Variants in SAMMSON observed in about 807,000 individuals in gnomAD.
SAMMSON encodes the protein survival associated mitochondrial melanoma specific oncogenic non-coding RNA, also known as long intergenic non-protein coding RNA 1212.
chr3:70,330,577 T>G (rs1702614946), intron 7 of SAMMSON, among the ~76,000 whole-genome samples: 1 of 152,088 alleles, frequency 6.6e-6, no homozygotes, highest in Non-Finnish European at 1.5e-5. Flanking sequence ...CATTCCTTCA[T>G]TTATATTTCC....
At chr3:70,411,141 A>T (rs1191379529) in intron 2 of SAMMSON, among the ~76,000 whole-genome samples, 1 of 152,204 alleles carries the variant, frequency 6.6e-6, no homozygotes, top group Non-Finnish European at 1.5e-5. Flanking sequence ...TGTAAAGGAG[A>T]TCTAAAAGTA....
At chr3:70,372,007 C>T (rs1187619462) in intron 9 of SAMMSON, among the ~76,000 whole-genome samples, 1 of 152,094 alleles carries the variant, frequency 6.6e-6, no homozygotes, top group East Asian at 1.9e-4. Context: ...AGGTATGTCA[C>T]TTCTGCACCT....
chr3:70,048,166 G>C (rs1000734417), intron 3 of SAMMSON, among the ~76,000 whole-genome samples: 5 of 151,922 alleles, frequency 3.3e-5, no homozygotes, highest in Admixed American at 2.0e-4. Context: ...TGTGCTACCG[G>C]CTGTGAATAC....
At chr3:70,412,701 ATAGT>A (rs1701229834) in intron 2 of SAMMSON, among the ~76,000 whole-genome samples, 1 of 152,276 alleles carries the variant, frequency 6.6e-6, no homozygotes, top group Non-Finnish European at 1.5e-5. Context: ...TAAGATGGAA[ATAGT>A]TGGTAGATTA....
chr3:70,250,938 A>G (rs1384434543), intron 6 of SAMMSON, among the ~76,000 whole-genome samples: 4 of 152,244 alleles, frequency 2.6e-5, no homozygotes, highest in African/African-American at 9.6e-5. Flanking sequence ...AATTTAATCT[A>G]TTTAGAGAAA....
Position 70,315,160 on chromosome 3 carries a change from G to A in SAMMSON, n.739+23917G>A, listed in dbSNP as rs78431296. ...GAGGAAAGATTTATGAAGATAGTGTGGTGACTAATTTGGACATAATATTCA... is the reference window on the plus strand; with the variant it reads ...GAGGAAAGATTTATGAAGATAGTGTAGTGACTAATTTGGACATAATATTCA... On this transcript the variant is annotated intron_variant and non_coding_transcript_variant, in intron 7 of 9. Coordinates refer to ENST00000642114, the Ensembl canonical transcript of SAMMSON. Among the ~76,000 whole-genome samples, 23 of 152,218 alleles carry A rather than the reference G, an allele frequency of 1.5e-4. No homozygotes were observed. The East Asian group carries it at 4.4e-3, about 29-fold the overall frequency.
chr3:70,429,228 T>C (rs1430739091), intron 2 of SAMMSON, among the ~76,000 whole-genome samples: 1 of 152,226 alleles, frequency 6.6e-6, no homozygotes, highest in Admixed American at 6.5e-5. Context: ...AGGGAATTCT[T>C]TCTCCATTGC....
chr3:70,293,472 A>T (rs1477137216), intron 7 of SAMMSON, among the ~76,000 whole-genome samples: 1 of 152,132 alleles, frequency 6.6e-6, no homozygotes, highest in Non-Finnish European at 1.5e-5. Context: ...TATTAGTGAC[A>T]AAATCACAGG....
intron 4 of SAMMSON, among the ~76,000 whole-genome samples, chr3:70,107,893 G>A (rs1022892307): frequency 1.3e-5 from 2 of 152,204 alleles, no homozygotes; most frequent in Middle Eastern, 3.4e-3. Flanking sequence ...TGTTAGGTGA[G>A]ATGGGAAGGA....
intron 7 of SAMMSON, among the ~76,000 whole-genome samples, chr3:70,295,860 A>G (rs1041020840): frequency 1.3e-5 from 2 of 152,170 alleles, no homozygotes; most frequent in African/African-American, 4.8e-5. Context: ...ATGTGGTTTA[A>G]TAGAAATGTG....
At chr3:70,412,493 A>G (rs1054400975) in intron 2 of SAMMSON, among the ~76,000 whole-genome samples, 3 of 152,238 alleles carry the variant, frequency 2.0e-5, no homozygotes, top group Non-Finnish European at 4.4e-5. Flanking sequence ...TCAGTTTACT[A>G]AGTGGTTGCT....
intron 6 of SAMMSON, among the ~76,000 whole-genome samples, chr3:70,265,342 T>C (rs1158007323): frequency 1.3e-5 from 2 of 152,196 alleles, no homozygotes; most frequent in African/African-American, 4.8e-5. Flanking sequence ...TTCTTTTCAC[T>C]AATGGAATGC....
intron 6 of SAMMSON, among the ~76,000 whole-genome samples, chr3:70,286,334 G>A (rs1367906356): frequency 6.6e-6 from 1 of 152,072 alleles, no homozygotes; most frequent in African/African-American, 2.4e-5. Flanking sequence ...CCCATTTCTT[G>A]TTTTTGTCAG....
intron 4 of SAMMSON, among the ~76,000 whole-genome samples, chr3:70,082,218 T>C (rs915812835): frequency 6.6e-6 from 1 of 152,150 alleles, no homozygotes; most frequent in African/African-American, 2.4e-5. Flanking sequence ...CCACTCTGGC[T>C]CAAATAAGAA....
chr3:70,197,753 T>C (rs1701196095), intron 4 of SAMMSON, among the ~76,000 whole-genome samples: 1 of 152,244 alleles, frequency 6.6e-6, no homozygotes, highest in Admixed American at 6.5e-5. Flanking sequence ...GGTTGTGTTT[T>C]ATTTTTAATC....
intron 4 of SAMMSON, among the ~76,000 whole-genome samples, chr3:70,231,371 C>G (rs1186039807): frequency 2.0e-5 from 3 of 152,214 alleles, no homozygotes; most frequent in Non-Finnish European, 4.4e-5. Flanking sequence ...AAGCTGTCAA[C>G]GCAAACTTGC....
chr3:70,368,280 G>A (rs1174157263), intron 9 of SAMMSON, among the ~76,000 whole-genome samples: 2 of 151,374 alleles, frequency 1.3e-5, no homozygotes, highest in Non-Finnish European at 3.0e-5. Flanking sequence ...TGATATTTGT[G>A]AAGGTTTTTA....
At chr3:70,365,327 A>G (rs1394600018) in intron 9 of SAMMSON, among the ~76,000 whole-genome samples, 1 of 151,250 alleles carries the variant, frequency 6.6e-6, no homozygotes, top group Non-Finnish European at 1.5e-5. Context: ...ACACATATAT[A>G]TGTGTGTGTA....
chr3:70,149,434 C>T (rs968565392), intron 4 of SAMMSON, among the ~76,000 whole-genome samples: 4 of 152,038 alleles, frequency 2.6e-5, no homozygotes, highest in Non-Finnish European at 4.4e-5. Context: ...ATGGCCTAGA[C>T]CAGCAGCATC....
Sources: gnomAD v4.1 joint callset for allele counts (sites outside exome capture counted in the v4.1 genomes callset) on GRCh38, gnomAD v4.1.1 for gene constraint, MANE v1.5 for transcripts, NCBI Gene and HGNC (gene_info 2026-07-23, HGNC 2026-07-21) for gene names.